The following CDYL variants were observed in gnomAD, a reference collection of about 807,000 sequenced individuals.
CDYL encodes the protein chromodomain Y like, also known as chromodomain Y-like protein.
In CDYL, 8 loss-of-function variants were observed where a neutral mutation model predicts 47.3. That is an observed-to-expected ratio of 0.17 (90% CI 0.10 to 0.31). The LOEUF (loss-of-function observed/expected upper bound fraction) is 0.31, where lower values mean the gene tolerates loss of function less well. Ranked by LOEUF, CDYL falls within the 10% of genes least tolerant of loss-of-function variation. The pLI is 1.00. For synonymous variants in CDYL, 266 were observed against 265.0 expected (o/e 1.00, Z -0.04); for missense variants, 471 against 701.4 (o/e 0.67, Z 3.71).
chr6:4,822,917 A>G (rs1376393869), intron 1 of CDYL, among the ~76,000 whole-genome samples: 1 of 152,182 alleles, frequency 6.6e-6, no homozygotes, highest in African/African-American at 2.4e-5. Flanking sequence ...GTAAGGATAA[A>G]TTCAGGTGCT....
chr6:4,895,501 A>G (rs191804411), intron 2 of CDYL, among the ~76,000 whole-genome samples: 2 of 146,270 alleles, frequency 1.4e-5, no homozygotes, highest in African/African-American at 5.2e-5. Context: ...ATGTATACAT[A>G]TATACGTATA....
intron 5 of CDYL, among the ~76,000 whole-genome samples, chr6:4,949,941 T>C (rs936611188): frequency 2.0e-5 from 3 of 152,224 alleles, no homozygotes; most frequent in African/African-American, 7.2e-5. Flanking sequence ...TTGCTTGTCC[T>C]GCACATCCAA....
At position 4,955,162 on chromosome 6, in the gene CDYL, G is replaced by A. The variant is rs1472689369; in HGVS notation, c.*1106G>A. 6.6e-6 allele frequency: 1 copy of A among 152,596 alleles called. No homozygotes were observed. The highest frequency in any genetic ancestry group is 1.9e-4 in the East Asian group (1 of 5,196). 9.5% of individuals were successfully genotyped at this position (152,596 alleles called of 1,614,324 possible). A position where few individuals can be genotyped will look rare whatever the true frequency, so the allele number is the denominator to read the frequency against. On this transcript the variant is annotated 3_prime_UTR_variant, in exon 7 of 7. Coordinates refer to ENST00000397588, the MANE Select transcript of CDYL (RefSeq NM_004824.4). ...TACAATATACTGAGTTCAGTATGGTGTCCAAGAGTGCCCTGTGTGGATAGA... is the reference window on the plus strand; with the variant it reads ...TACAATATACTGAGTTCAGTATGGTATCCAAGAGTGCCCTGTGTGGATAGA...
chr6:4,857,741 C>T (rs1344268963), intron 1 of CDYL, among the ~76,000 whole-genome samples: 1 of 152,174 alleles, frequency 6.6e-6, no homozygotes, highest in African/African-American at 2.4e-5. Context: ...AATATTGTTT[C>T]TTGCCATGCG....
chr6:4,728,972 C>T (rs1048565119), intron 2 of CDYL, among the ~76,000 whole-genome samples: 2 of 152,128 alleles, frequency 1.3e-5, no homozygotes, highest in African/African-American at 4.8e-5. Flanking sequence ...CTTCCCAAGC[C>T]CAGTCCCAGC....
chr6:4,747,033 G>A (rs998286509), intron 3 of CDYL, among the ~76,000 whole-genome samples: 1 of 152,158 alleles, frequency 6.6e-6, no homozygotes, highest in African/African-American at 2.4e-5. Context: ...CATTGGTCAG[G>A]CACAGTGGCT....
intron 1 of CDYL, among the ~76,000 whole-genome samples, chr6:4,827,398 T>G (rs1225366516): frequency 6.6e-6 from 1 of 152,234 alleles, no homozygotes; most frequent in African/African-American, 2.4e-5. Context: ...ATCTTTTTTC[T>G]TTTTAATAAT....
At chr6:4,884,633 G>A (rs1581234741) in intron 1 of CDYL, among the ~76,000 whole-genome samples, 1 of 152,146 alleles carries the variant, frequency 6.6e-6, no homozygotes, top group Non-Finnish European at 1.5e-5. Flanking sequence ...AGTTAGCCTC[G>A]GAGACAAGAT....
At chr6:4,789,201 G>A (rs141482848) in intron 1 of CDYL, among the ~76,000 whole-genome samples, 3 of 152,246 alleles carry the variant, frequency 2.0e-5, no homozygotes, top group Admixed American at 6.5e-5. Context: ...TCAGCCTGCC[G>A]AGTAGCTGGA....
At chr6:4,822,118 A>G (rs1327499999) in intron 1 of CDYL, among the ~76,000 whole-genome samples, 1 of 151,566 alleles carries the variant, frequency 6.6e-6, no homozygotes, top group Non-Finnish European at 1.5e-5. Context: ...ACAGGTGCAC[A>G]CCACAGTGCC....
intron 2 of CDYL, among the ~76,000 whole-genome samples, chr6:4,897,369 G>T (rs1233021906): frequency 6.6e-6 from 1 of 152,220 alleles, no homozygotes. Flanking sequence ...AGCACACCTT[G>T]CATTTCATGA....
intron 1 of CDYL, among the ~76,000 whole-genome samples, chr6:4,815,518 T>C (rs1759646854): frequency 1.3e-5 from 2 of 152,212 alleles, no homozygotes. Flanking sequence ...AAAAAATCTG[T>C]ATAACCAGAT....
intron 2 of CDYL, among the ~76,000 whole-genome samples, chr6:4,727,496 C>G (rs975374185): frequency 6.6e-6 from 1 of 152,140 alleles, no homozygotes; most frequent in Non-Finnish European, 1.5e-5. Context: ...CAAGTCATCT[C>G]TCTTCACACA....
chr6:4,723,471 C>T (rs1383993746), intron 2 of CDYL, among the ~76,000 whole-genome samples: 1 of 152,042 alleles, frequency 6.6e-6, no homozygotes, highest in African/African-American at 2.4e-5. Flanking sequence ...GAGGTGTGGG[C>T]ATAGTTAGAG....
At chr6:4,909,271 T>A (rs1392763468) in intron 2 of CDYL, among the ~76,000 whole-genome samples, 1 of 152,218 alleles carries the variant, frequency 6.6e-6, no homozygotes, top group African/African-American at 2.4e-5. Flanking sequence ...ACTCCCTCCA[T>A]GTGAGGAATC....
chr6:4,881,018 C>A (rs554778967), intron 1 of CDYL, among the ~76,000 whole-genome samples: 1 of 152,104 alleles, frequency 6.6e-6, no homozygotes, highest in East Asian at 1.9e-4. Flanking sequence ...TTTCTTTTAC[C>A]ATTCTTTTAT....
At chr6:4,721,904 C>T (rs961762978) in intron 2 of CDYL, among the ~76,000 whole-genome samples, 1 of 151,804 alleles carries the variant, frequency 6.6e-6, no homozygotes, top group African/African-American at 2.4e-5. Context: ...GCTCTGTCGC[C>T]CAGGCTGAAA....
chr6:4,759,898 A>G (rs1170250390), intron 3 of CDYL, among the ~76,000 whole-genome samples: 15 of 86,560 alleles, frequency 1.7e-4, no homozygotes, highest in African/African-American at 6.5e-4. Flanking sequence ...AAAAAAAAAA[A>G]AAAAAAAAAA....
intron 1 of CDYL, among the ~76,000 whole-genome samples, chr6:4,778,597 T>C (rs1190997721): frequency 1.3e-5 from 2 of 152,184 alleles, no homozygotes; most frequent in African/African-American, 4.8e-5. Flanking sequence ...GGAGTGTCTG[T>C]TGGGGAGGAA....
Sources: gnomAD v4.1 joint callset for allele counts (sites outside exome capture counted in the v4.1 genomes callset) on GRCh38, gnomAD v4.1.1 for gene constraint, MANE v1.5 for transcripts, NCBI Gene and HGNC (gene_info 2026-07-23, HGNC 2026-07-21) for gene names.